RANBP3L: variants seen among roughly 807,000 people sequenced by gnomAD.
The protein encoded by RANBP3L is ran-binding protein 3-like.
A neutral mutation model predicts 67.2 loss-of-function variants in RANBP3L; 56 were observed. The ratio of observed to expected loss-of-function variants is 0.83; its 90% CI spans 0.67 to 1.04. The LOEUF (loss-of-function observed/expected upper bound fraction) is 1.04, where lower values mean the gene tolerates loss of function less well. RANBP3L is among the 50% of genes least tolerant of loss of function. The pLI is 0.00. For missense variants in RANBP3L, 496 were observed against 535.5 expected (o/e 0.93, Z 0.73); for synonymous variants, 164 against 181.4 (o/e 0.90, Z 0.77).
In RANBP3L at chr5:36,248,683, G is replaced by A. The variant is rs934310919; in HGVS notation, c.*971C>T. 1 of 152,060 alleles carries A rather than the reference G, an allele frequency of 6.6e-6. No homozygotes were observed. The highest frequency in any genetic ancestry group is 1.5e-5 in the Non-Finnish European group (1 of 67,994). 9.4% of individuals were successfully genotyped at this position (152,060 alleles called of 1,614,324 possible). On this transcript the variant is annotated 3_prime_UTR_variant, in exon 14 of 14. Transcript: ENST00000296604. The stretch of plus-strand genomic sequence containing the variant: ...TAGGGGTCACAATCAAAGTCACTTC[G>A]AAGCCATGGTGTGATAAAACTGAAT...
chr5:36,253,996 T>C (rs1748785881), intron 11 of RANBP3L, among the ~76,000 whole-genome samples: 1 of 152,138 alleles, frequency 6.6e-6, no homozygotes, highest in Non-Finnish European at 1.5e-5. Flanking sequence ...AAATTACACT[T>C]TTTTACTGTA....
At chr5:36,271,700 A>C (rs1403304846) in intron 1 of RANBP3L, among the ~76,000 whole-genome samples, 2 of 152,194 alleles carry the variant, frequency 1.3e-5, no homozygotes, top group Non-Finnish European at 2.9e-5. Flanking sequence ...ACTTCCACTT[A>C]GGTTAGATGT....
chr5:36,259,334 G>A (rs1433677871), intron 8 of RANBP3L, among the ~76,000 whole-genome samples: 1 of 152,168 alleles, frequency 6.6e-6, no homozygotes, highest in Non-Finnish European at 1.5e-5. Flanking sequence ...TATAATCCCA[G>A]CACTTAGGGA....
chr5:36,251,334 G>A lies in RANBP3L; in HGVS notation c.1333C>T (p.Gln445Ter). The A allele has an allele frequency of 6.2e-7, 1 of 1,612,022 alleles. No homozygotes were observed. Among genetic ancestry groups the A allele is most frequent in the East Asian group, 2.2e-5 (1 of 44,812 alleles). ...SCDENEDDFI[Q>*]VTKNGSDPSS... ...TTACCTGATCCATTTTTAGTGACTT[G>A]GATGAAATCATCCTCATTCTCATCA... The change falls in exon 13 of 14, where the codon CAA (glutamine) becomes TAA (stop). Residue 445 changes from glutamine (Q) to a stop codon, truncating the protein, a stop_gained. Transcript: ENST00000296604. LOFTEE classifies it high-confidence loss of function.
chr5:36,294,640 T>G (rs1465553969), intron 1 of RANBP3L, among the ~76,000 whole-genome samples: 2 of 151,956 alleles, frequency 1.3e-5, no homozygotes, highest in Non-Finnish European at 2.9e-5. Context: ...TTTTTATTTC[T>G]GCCTTCATTT....
At chr5:36,296,872 G>A (rs1443880426) in intron 1 of RANBP3L, among the ~76,000 whole-genome samples, 3 of 152,288 alleles carry the variant, frequency 2.0e-5, no homozygotes, top group East Asian at 3.9e-4. Flanking sequence ...CTACCCCAGA[G>A]CAACCAAGAA....
At chr5:36,287,220 G>A (rs1367725951) in intron 1 of RANBP3L, among the ~76,000 whole-genome samples, 1 of 152,240 alleles carries the variant, frequency 6.6e-6, no homozygotes, top group Non-Finnish European at 1.5e-5. Context: ...AGCTCAGGTG[G>A]TAATGCTCAC....
chr5:36,254,247 ATTAGGCTACAAAGC>A (rs1748806678), intron 11 of RANBP3L, among the ~76,000 whole-genome samples: 1 of 152,088 alleles, frequency 6.6e-6, no homozygotes. Context: ...AAAAGAAAAA[ATTAGGCTACAAAGC>A]AAAATAAACA....
At chr5:36,267,922 TA>T (rs138690245) in intron 4 of RANBP3L, among the ~76,000 whole-genome samples, 3,086 of 152,338 alleles carry the variant, frequency 0.02, 103 homozygotes, top group African/African-American at 0.07. Flanking sequence ...TTTTTACTTT[TA>T]TAGGGCTGCC....
At chr5:36,257,164 G>A in intron 9 of RANBP3L, 93 bp from the exon 10 acceptor site, 1 of 1,055,502 alleles carries the variant, frequency 9.5e-7, no homozygotes, top group African/African-American at 1.6e-5. Context: ...TATCTACTTG[G>A]CTTCTTCTAG....
At chr5:36,261,857 A>T (rs1358877826) in intron 7 of RANBP3L, 82 bp downstream of exon 7, 1 of 714,212 alleles carries the variant, frequency 1.4e-6, no homozygotes, top group Non-Finnish European at 2.4e-6. Context: ...ACAAGGTCAG[A>T]AAATTATTTT....
intron 12 of RANBP3L, 52 bp downstream of exon 12, chr5:36,253,595 A>G (rs1748748696): frequency 7.0e-7 from 1 of 1,432,050 alleles, no homozygotes; most frequent in South Asian, 1.2e-5. Flanking sequence ...GTAATTGCAG[A>G]CGTCTATTAA....
At chr5:36,270,119 T>A in intron 2 of RANBP3L, 129 bp from the exon 3 acceptor site, 1 of 770,824 alleles carries the variant, frequency 1.3e-6, no homozygotes, top group Non-Finnish European at 2.3e-6. Flanking sequence ...ACCAACCTAG[T>A]ACATCAGATT....
In RANBP3L at chr5:36,251,376, A is replaced by G. The variant is rs762829179; in HGVS notation, c.1291T>C (p.Leu431=). Residue 431 remains leucine, a synonymous_variant, in exon 13 of 14, where the codon TTG becomes CTG. Transcript: ENST00000296604. ...TTCTCATCACAGCTTTCGCAGTTCA[A>G]TTGTTGGGCTGTTTCTGACAGGCTT... The part of the protein sequence containing the change: ...AESLSETAQQ[L]NCESCDENED... 6 of 1,613,332 alleles carry G rather than the reference A, an allele frequency of 3.7e-6. No individual in the cohort carries two copies. Among genetic ancestry groups the G allele is most frequent in the South Asian group, 1.1e-5 (1 of 91,010 alleles).
chr5:36,294,840 CAT>C (rs1252348970), intron 1 of RANBP3L, among the ~76,000 whole-genome samples: 3 of 144,286 alleles, frequency 2.1e-5, no homozygotes, highest in Non-Finnish European at 3.1e-5. Context: ...ATATATATGA[CAT>C]ATAAACATAT....
intron 6 of RANBP3L, among the ~76,000 whole-genome samples, chr5:36,264,449 A>G (rs1442141094): frequency 6.6e-6 from 1 of 152,162 alleles, no homozygotes; most frequent in Non-Finnish European, 1.5e-5. Context: ...GACACTACAT[A>G]GTTGGAAGTT....
intron 6 of RANBP3L, among the ~76,000 whole-genome samples, chr5:36,262,765 CT>C (rs1434836719): frequency 6.6e-6 from 1 of 151,796 alleles, no homozygotes; most frequent in Non-Finnish European, 1.5e-5. Context: ...AGTACTTTTT[CT>C]TTTTTAACAA....
chr5:36,264,299 A>G (rs932006407), intron 6 of RANBP3L, among the ~76,000 whole-genome samples: 5 of 152,208 alleles, frequency 3.3e-5, no homozygotes, highest in Non-Finnish European at 7.4e-5. Context: ...CAACCTACCT[A>G]TCTTGAGTCC....
intron 13 of RANBP3L, 88 bp from the exon 14 acceptor site, chr5:36,249,785 A>T: frequency 1.8e-6 from 1 of 567,376 alleles, no homozygotes; most frequent in Non-Finnish European, 3.0e-6. Context: ...ATGAATATTA[A>T]TGAATATACT....
Sources: allele counts gnomAD v4.1 joint callset (sites outside exome capture counted in the v4.1 genomes callset), GRCh38; gene constraint gnomAD v4.1.1; transcripts MANE v1.5; gene names NCBI Gene and HGNC (gene_info 2026-07-23, HGNC 2026-07-21).